CADPS2: variants seen among roughly 807,000 people sequenced by gnomAD.
The protein encoded by CADPS2 is calcium-dependent secretion activator 2.
CADPS2 carries 93 observed loss-of-function variants against 172.5 expected under a neutral mutation model. The observed-to-expected ratio is 0.54, with a 90% CI of 0.46 to 0.64. The LOEUF is 0.64. Among genes scored for constraint, CADPS2 ranks in the 30% least tolerant of loss-of-function variants. CADPS2 has a pLI of 0.00. For synonymous variants in CADPS2, 546 were observed against 555.2 expected, an observed-to-expected ratio of 0.98 and a Z score of 0.23; for missense variants, 1,420 against 1,565.9, an observed-to-expected ratio of 0.91 and a Z score of 1.57.
chr7:122,412,338 T>C (rs2047410092), intron 19 of CADPS2, among the ~76,000 whole-genome samples: 1 of 152,218 alleles, frequency 6.6e-6, no homozygotes, highest in South Asian at 2.1e-4. Flanking sequence ...CACTTTAGTA[T>C]ATTCCTTAGG....
Position 122,801,740 on chromosome 7 carries a change from G to A in CADPS2, c.340-64672C>T, listed in dbSNP as rs533624030. On this transcript the variant is annotated intron_variant, in intron 1 of 29. Coordinates refer to ENST00000449022, the MANE Select transcript of CADPS2 (RefSeq NM_017954.11). ...ACAAATTATATAACTACATGAAAATGAAAAAGCCAAGAGAATCTTTTTTTT... is the reference window on the plus strand; with the variant it reads ...ACAAATTATATAACTACATGAAAATAAAAAAGCCAAGAGAATCTTTTTTTT... Among the ~76,000 whole-genome samples, 91 of 151,238 alleles carry A rather than the reference G, an allele frequency of 6.0e-4. 1 individual carries two copies. In the South Asian group the frequency reaches 9.4e-3, roughly 16 times the overall value.
intron 2 of CADPS2, among the ~76,000 whole-genome samples, chr7:122,723,133 G>T (rs903433152): frequency 6.6e-6 from 1 of 152,110 alleles, no homozygotes; most frequent in Non-Finnish European, 1.5e-5. Context: ...AGGACTTCAT[G>T]TCTAAAACAA....
chr7:122,520,653 C>T (rs536329034), intron 8 of CADPS2, among the ~76,000 whole-genome samples: 18 of 152,096 alleles, frequency 1.2e-4, no homozygotes, highest in Admixed American at 2.6e-4. Context: ...ATAAAGAACT[C>T]GCTTACCCAA....
chr7:122,858,901 A>T (rs1233098973), intron 1 of CADPS2, among the ~76,000 whole-genome samples: 1 of 152,202 alleles, frequency 6.6e-6, no homozygotes, highest in African/African-American at 2.4e-5. Context: ...AGTTGCCAGT[A>T]AAATGTTAAT....
At chr7:122,493,922 A>G (rs531035262) in intron 9 of CADPS2, among the ~76,000 whole-genome samples, 7 of 152,188 alleles carry the variant, frequency 4.6e-5, no homozygotes, top group Non-Finnish European at 8.8e-5. Context: ...CCTTCTCTAT[A>G]ATCAATTTTG....
At chr7:122,489,229 G>A (rs899470829) in intron 11 of CADPS2, among the ~76,000 whole-genome samples, 14 of 152,116 alleles carry the variant, frequency 9.2e-5, no homozygotes, top group African/African-American at 3.1e-4. Context: ...TGTTTAGGAT[G>A]CCCAGAAATG....
chr7:122,500,400 T>G (rs1388410390), intron 9 of CADPS2, among the ~76,000 whole-genome samples: 1 of 152,218 alleles, frequency 6.6e-6, no homozygotes, highest in Non-Finnish European at 1.5e-5. Flanking sequence ...ATAAGCCACA[T>G]ATTTATCGTC....
Position 122,823,231 on chromosome 7 carries a change from G to A in CADPS2, c.339+62768C>T, listed in dbSNP as rs529175400. 5.9e-5 allele frequency among the ~76,000 whole-genome samples: 9 copies of A among 152,234 alleles called. No individual in the cohort carries two copies. In the East Asian group the frequency reaches 1.7e-3, roughly 29 times the overall value. The stretch of plus-strand genomic sequence containing the variant: ...TTTATCATTAAAGAAACATCTAATG[G>A]TCATCTCATAGTAATTTCTCAATTG... On this transcript the variant is annotated intron_variant, in intron 1 of 29. Coordinates refer to ENST00000449022, the MANE Select transcript of CADPS2 (RefSeq NM_017954.11).
At chr7:122,630,257 G>C (rs932047921) in intron 3 of CADPS2, among the ~76,000 whole-genome samples, 1 of 151,690 alleles carries the variant, frequency 6.6e-6, no homozygotes, top group Non-Finnish European at 1.5e-5. Context: ...CTTTCCCAAA[G>C]AACTACAAAT....
intron 1 of CADPS2, among the ~76,000 whole-genome samples, chr7:122,841,882 A>G (rs995240671): frequency 6.6e-6 from 1 of 152,222 alleles, no homozygotes; most frequent in African/African-American, 2.4e-5. Context: ...CTCTAAGGAA[A>G]GTTCCAGCGT....
At chr7:122,452,798 G>A (rs958587603) in intron 14 of CADPS2, among the ~76,000 whole-genome samples, 3 of 151,988 alleles carry the variant, frequency 2.0e-5, no homozygotes, top group African/African-American at 4.8e-5. Context: ...GGTAGAAACA[G>A]GAATTATTGA....
chr7:122,403,829 TATC>T (rs1186984242), intron 20 of CADPS2, among the ~76,000 whole-genome samples: 2 of 152,174 alleles, frequency 1.3e-5, no homozygotes, highest in African/African-American at 4.8e-5. Context: ...ATGAATGGAA[TATC>T]ATCAAAAAAT....
At chr7:122,447,031 CTTTTTTTTTTTT>C (rs71530096) in intron 15 of CADPS2, among the ~76,000 whole-genome samples, 17 of 78,374 alleles carry the variant, frequency 2.2e-4, no homozygotes, top group South Asian at 6.8e-4. Flanking sequence ...GTAGCTCCCT[CTTTTTTTTTTTT>C]TTTTTTTTTT....
At chr7:122,728,788 A>G (rs1408540359) in intron 2 of CADPS2, among the ~76,000 whole-genome samples, 1 of 151,666 alleles carries the variant, frequency 6.6e-6, no homozygotes, top group Non-Finnish European at 1.5e-5. Context: ...CACTTGTGAT[A>G]TTCTGTTATA....
At chr7:122,426,073 C>T (rs1318283388) in intron 17 of CADPS2, 3 of 152,254 alleles carry the variant, frequency 2.0e-5, no homozygotes, top group Non-Finnish European at 4.4e-5. Flanking sequence ...ACTCCAGAGA[C>T]TTGCCAGCTG....
chr7:122,799,163 C>T (rs1283480475), intron 1 of CADPS2, among the ~76,000 whole-genome samples: 1 of 152,164 alleles, frequency 6.6e-6, no homozygotes, highest in Non-Finnish European at 1.5e-5. Flanking sequence ...TAAATACCAG[C>T]TCTCACATTT....
At chr7:122,871,533 C>T (rs1054048244) in intron 1 of CADPS2, among the ~76,000 whole-genome samples, 1 of 151,564 alleles carries the variant, frequency 6.6e-6, no homozygotes, top group East Asian at 1.9e-4. Flanking sequence ...AGCAGCAAAG[C>T]CACCAAGTAA....
rs537431843 is a variant in CADPS2 at position 122,644,112 on chromosome 7, G to C, written c.787-14784C>G. On this transcript the variant is annotated intron_variant, in intron 3 of 29. Coordinates refer to ENST00000449022, the MANE Select transcript of CADPS2 (RefSeq NM_017954.11). ...GGAAGGAATGAAGGAAGGAAGGAAG[G>C]AAGGAACAAACGAAGGAAAAGAATA... 4.0e-5 allele frequency among the ~76,000 whole-genome samples: 6 copies of C among 151,114 alleles called. No homozygotes were observed. The East Asian group carries it at 1.2e-3, about 29-fold the overall frequency.
intron 6 of CADPS2, among the ~76,000 whole-genome samples, chr7:122,601,675 G>A (rs771081141): frequency 1.3e-5 from 2 of 151,808 alleles, no homozygotes; most frequent in Non-Finnish European, 2.9e-5. Flanking sequence ...TTTGGAAGAC[G>A]TGTAAGTGCA....
Sources: gnomAD v4.1 joint callset for allele counts (sites outside exome capture counted in the v4.1 genomes callset) on GRCh38, gnomAD v4.1.1 for gene constraint, MANE v1.5 for transcripts, NCBI Gene and HGNC (gene_info 2026-07-23, HGNC 2026-07-21) for gene names.